Variants in ESRRG observed in about 807,000 individuals in gnomAD.
ESRRG encodes the protein estrogen-related receptor gamma.
ESRRG carries 13 observed loss-of-function variants against 44.0 expected under a neutral mutation model. The observed-to-expected ratio is 0.30, with a 90% CI of 0.19 to 0.47. The LOEUF (loss-of-function observed/expected upper bound fraction) is 0.47. ESRRG is among the 20% of genes least tolerant of loss of function. ESRRG has a pLI of 1.00. For synonymous variants in ESRRG, 215 were observed against 214.6 expected (o/e 1.00, Z -0.02); for missense variants, 395 against 580.6 (o/e 0.68, Z 3.29).
chr1:216,809,395 G>C (rs12097929), intron 2 of ESRRG, among the ~76,000 whole-genome samples: 1 of 147,544 alleles, frequency 6.8e-6, no homozygotes, highest in Admixed American at 6.8e-5. Context: ...GGAACAAAAT[G>C]AATTGGGGAC....
intron 3 of ESRRG, among the ~76,000 whole-genome samples, chr1:216,619,441 T>G (rs2061874659): frequency 6.6e-6 from 1 of 152,192 alleles, no homozygotes; most frequent in Non-Finnish European, 1.5e-5. Flanking sequence ...GCTTCCTCTC[T>G]TCAAAGAAAT....
chr1:216,768,072 C>G (rs1435051543), intron 2 of ESRRG, among the ~76,000 whole-genome samples: 1 of 152,092 alleles, frequency 6.6e-6, no homozygotes, highest in African/African-American at 2.4e-5. Flanking sequence ...TAACCCTCAC[C>G]AAAATCCTGA....
At chr1:216,666,293 AC>A (rs1223481122) in intron 2 of ESRRG, among the ~76,000 whole-genome samples, 1 of 152,238 alleles carries the variant, frequency 6.6e-6, no homozygotes, top group Non-Finnish European at 1.5e-5. Flanking sequence ...ATTCTAATAT[AC>A]CCTATCTGGC....
intron 3 of ESRRG, among the ~76,000 whole-genome samples, chr1:216,578,772 T>C (rs2062160468): frequency 6.6e-6 from 1 of 152,042 alleles, no homozygotes; most frequent in Non-Finnish European, 1.5e-5. Flanking sequence ...AATTCAGAAA[T>C]TGAAAAGAAA....
intron 3 of ESRRG, among the ~76,000 whole-genome samples, chr1:216,580,981 T>C (rs1345328293): frequency 6.6e-6 from 1 of 152,200 alleles, no homozygotes; most frequent in African/African-American, 2.4e-5. Context: ...AGCTTATTAT[T>C]GCATTAGGAA....
intron 1 of ESRRG, among the ~76,000 whole-genome samples, chr1:216,707,842 C>T (rs979703688): frequency 1.3e-5 from 2 of 152,152 alleles, no homozygotes; most frequent in Non-Finnish European, 2.9e-5. Flanking sequence ...ATTAATTTGA[C>T]ACCAGAGAGT....
At chr1:216,928,104 C>T (rs576885030) in intron 2 of ESRRG, among the ~76,000 whole-genome samples, 88 of 152,156 alleles carry the variant, frequency 5.8e-4, no homozygotes, top group African/African-American at 1.8e-3. Context: ...TAATGGTGAC[C>T]GTGGAATCTC....
intron 2 of ESRRG, among the ~76,000 whole-genome samples, chr1:216,808,728 T>C (rs2094877139): frequency 6.6e-6 from 1 of 152,110 alleles, no homozygotes; most frequent in Non-Finnish European, 1.5e-5. Flanking sequence ...CTGGCCTGAA[T>C]ATAAAATTTT....
rs1579561598 is a variant in ESRRG at position 217,018,222 on chromosome 1, A to T, written c.-106+71285T>A. Among the ~76,000 whole-genome samples, 4 of 149,750 alleles carry T rather than the reference A, an allele frequency of 2.7e-5. No homozygotes were observed. The South Asian group carries it at 8.4e-4, about 31-fold the overall frequency. Reference sequence around the variant, plus strand: ...ATCTAATACCTCAACTGTTTTTTTTAAACTTATCATTCCATTGCCCTTCTT... The same window carrying T: ...ATCTAATACCTCAACTGTTTTTTTTTAACTTATCATTCCATTGCCCTTCTT... On this transcript the variant is annotated intron_variant, in intron 1 of 7. Transcript: ENST00000359162.
intron 1 of ESRRG, among the ~76,000 whole-genome samples, chr1:216,968,092 A>G (rs1475623489): frequency 1.3e-5 from 2 of 151,780 alleles, no homozygotes; most frequent in South Asian, 2.1e-4. Flanking sequence ...GGGTTATTTG[A>G]TTTCTTATTG....
intron 3 of ESRRG, among the ~76,000 whole-genome samples, chr1:216,647,111 A>T (rs2067778630): frequency 6.6e-6 from 1 of 152,106 alleles, no homozygotes; most frequent in African/African-American, 2.4e-5. Flanking sequence ...AAGGAGAGAG[A>T]TCAAAATAAA....
chr1:216,602,815 C>T (rs2150172527), intron 3 of ESRRG, among the ~76,000 whole-genome samples: 1 of 152,260 alleles, frequency 6.6e-6, no homozygotes, highest in African/African-American at 2.4e-5. Context: ...AAAATAAATG[C>T]AAATTGGCTA....
intron 2 of ESRRG, among the ~76,000 whole-genome samples, chr1:216,890,215 T>C (rs946643493): frequency 2.0e-5 from 3 of 152,072 alleles, no homozygotes; most frequent in Non-Finnish European, 4.4e-5. Flanking sequence ...CAATCAGCCA[T>C]GATAGCACCA....
intron 5 of ESRRG, among the ~76,000 whole-genome samples, chr1:216,541,925 A>G (rs946554970): frequency 6.6e-6 from 1 of 151,802 alleles, no homozygotes; most frequent in African/African-American, 2.4e-5. Flanking sequence ...TTTGACTACT[A>G]AGGGTTTGGG....
At chr1:216,737,155 T>C (rs1417313881) in intron 2 of ESRRG, among the ~76,000 whole-genome samples, 1 of 152,156 alleles carries the variant, frequency 6.6e-6, no homozygotes, top group Non-Finnish European at 1.5e-5. Context: ...TAAATTCAGT[T>C]CTTTCTCTGG....
At chr1:216,749,147 A>ATTTATTT (rs1559499161) in intron 2 of ESRRG, among the ~76,000 whole-genome samples, 6 of 148,936 alleles carry the variant, frequency 4.0e-5, no homozygotes, top group Non-Finnish European at 7.4e-5. Context: ...GTGTCTAAAT[A>ATTTATTT]TTTTTTTTTT....
At chr1:217,015,100 C>T (rs1009485926) in intron 1 of ESRRG, among the ~76,000 whole-genome samples, 2 of 152,322 alleles carry the variant, frequency 1.3e-5, no homozygotes, top group Admixed American at 6.5e-5. Flanking sequence ...ATCCAATCAT[C>T]TCTTTTCTTG....
At chr1:217,077,865 T>G (rs2091447416) in intron 1 of ESRRG, among the ~76,000 whole-genome samples, 1 of 152,146 alleles carries the variant, frequency 6.6e-6, no homozygotes, top group South Asian at 2.1e-4. Context: ...AATTTAGAAG[T>G]TTTATAGTTT....
At chr1:216,739,924 A>C (rs1372002084) in intron 2 of ESRRG, among the ~76,000 whole-genome samples, 2 of 151,904 alleles carry the variant, frequency 1.3e-5, no homozygotes, top group South Asian at 2.1e-4. Context: ...ATCCTGCCAG[A>C]CTCCTTCATT....
Sources: allele counts gnomAD v4.1 joint callset (sites outside exome capture counted in the v4.1 genomes callset), GRCh38; gene constraint gnomAD v4.1.1; transcripts MANE v1.5; gene names NCBI Gene and HGNC (gene_info 2026-07-23, HGNC 2026-07-21).